Variants in CWC27 observed in about 807,000 individuals in gnomAD.
The protein encoded by CWC27 is spliceosome-associated protein CWC27 homolog.
A neutral mutation model predicts 63.6 loss-of-function variants in CWC27; 47 were observed. The observed-to-expected ratio is 0.74, with a 90% CI of 0.58 to 0.94. The LOEUF is 0.94. Ranked by LOEUF, CWC27 falls within the 40% of genes least tolerant of loss-of-function variation. CWC27 has a pLI of 0.00. For missense variants in CWC27, 495 were observed against 554.3 expected, an observed-to-expected ratio of 0.89 and a Z score of 1.07; for synonymous variants, 175 against 179.8, an observed-to-expected ratio of 0.97 and a Z score of 0.22.
intron 13 of CWC27, among the ~76,000 whole-genome samples, chr5:65,004,905 T>TACACACAC (rs1317560192): frequency 1.6e-5 from 1 of 63,546 alleles, no homozygotes; most frequent in African/African-American, 5.8e-5. Flanking sequence ...TATATATATA[T>TACACACAC]ACATACACAC....
At chr5:64,970,505 C>T (rs1749105170) in intron 11 of CWC27, among the ~76,000 whole-genome samples, 1 of 152,186 alleles carries the variant, frequency 6.6e-6, no homozygotes, top group South Asian at 2.1e-4. Flanking sequence ...AGCCACCACG[C>T]CCGGCCGAAA....
chr5:64,934,151 G>A (rs569415348), intron 11 of CWC27, among the ~76,000 whole-genome samples: 5 of 152,092 alleles, frequency 3.3e-5, no homozygotes, highest in African/African-American at 4.8e-5. Flanking sequence ...TGTGCAGAAC[G>A]TGCAGGTTTG....
chr5:64,777,148 T>G (rs1414973769), intron 2 of CWC27, among the ~76,000 whole-genome samples: 1 of 152,074 alleles, frequency 6.6e-6, no homozygotes, highest in East Asian at 1.9e-4. Flanking sequence ...GAGAAGTGGA[T>G]AAGAAAATCA....
At chr5:64,810,594 C>A (rs954949144) in intron 10 of CWC27, among the ~76,000 whole-genome samples, 10 of 152,032 alleles carry the variant, frequency 6.6e-5, no homozygotes, top group African/African-American at 2.4e-4. Context: ...TAGTTTTCAG[C>A]AGACAGATCT....
chr5:64,876,266 T>C (rs759744667), intron 10 of CWC27, among the ~76,000 whole-genome samples: 7 of 152,132 alleles, frequency 4.6e-5, no homozygotes, highest in Non-Finnish European at 1.0e-4. Context: ...ATACATATGA[T>C]GGGCTTTTAT....
chr5:64,823,752 G>A (rs1745280528), intron 10 of CWC27, among the ~76,000 whole-genome samples: 1 of 152,182 alleles, frequency 6.6e-6, no homozygotes, highest in African/African-American at 2.4e-5. Flanking sequence ...TCCTGAAGGT[G>A]CGTTTTAAGG....
chr5:64,778,428 A>G (rs759587538), intron 2 of CWC27, among the ~76,000 whole-genome samples: 5 of 152,152 alleles, frequency 3.3e-5, no homozygotes, highest in Non-Finnish European at 7.4e-5. Context: ...GTGCTCAAAA[A>G]GTATTGGTTG....
At chr5:64,964,770 A>G (rs1748981736) in intron 11 of CWC27, among the ~76,000 whole-genome samples, 1 of 152,230 alleles carries the variant, frequency 6.6e-6, no homozygotes, top group South Asian at 2.1e-4. Context: ...TTGTTGCCCA[A>G]CTATCTACCC....
rs114764671 is a variant in CWC27, at chr5:64,915,653, G to A, written c.1042+30107G>A. 2.2e-3 allele frequency among the ~76,000 whole-genome samples: 342 copies of A among 152,144 alleles called. 1 individual carries two copies. Among genetic ancestry groups the A allele is most frequent in the African/African-American group, 7.8e-3 (325 of 41,506 alleles). The stretch of plus-strand genomic sequence containing the variant: ...ATGTCTTACTCCCAGGGTCCTCTCA[G>A]CAGCCTTCTCTGGTTGGCCCTGTAA... On this transcript the variant is annotated intron_variant, in intron 11 of 13. Coordinates refer to ENST00000381070, the MANE Select transcript of CWC27 (RefSeq NM_005869.4).
At chr5:64,978,372 C>T (rs757286865) in intron 13 of CWC27, among the ~76,000 whole-genome samples, 2 of 152,030 alleles carry the variant, frequency 1.3e-5, no homozygotes, top group East Asian at 1.9e-4. Context: ...ATGTGGGTTA[C>T]GATGCCAGTT....
At chr5:64,774,966 A>T (rs1426917949) in intron 2 of CWC27, among the ~76,000 whole-genome samples, 179 bp downstream of exon 2, 1 of 152,232 alleles carries the variant, frequency 6.6e-6, no homozygotes, top group Non-Finnish European at 1.5e-5. Context: ...ATGTTATCCC[A>T]AATAAATTTG....
intron 10 of CWC27, among the ~76,000 whole-genome samples, chr5:64,815,787 G>C (rs1041534516): frequency 9.9e-5 from 15 of 152,126 alleles, no homozygotes; most frequent in African/African-American, 3.6e-4. Context: ...ACCCAAGGGT[G>C]GAGAAGAATA....
intron 10 of CWC27, among the ~76,000 whole-genome samples, chr5:64,836,111 C>T (rs1259712489): frequency 1.3e-5 from 2 of 151,800 alleles, no homozygotes; most frequent in Admixed American, 6.6e-5. Context: ...TACATTTAAG[C>T]CACCCACTCA....
At chr5:64,968,770 T>C (rs1580754954) in intron 11 of CWC27, among the ~76,000 whole-genome samples, 2 of 152,208 alleles carry the variant, frequency 1.3e-5, no homozygotes, top group South Asian at 2.1e-4. Context: ...GTGGAAGTTA[T>C]ATGCTCTATA....
At chr5:64,784,110 T>G (rs924246107) in intron 4 of CWC27, 131 bp downstream of exon 4, 33 of 810,248 alleles carry the variant, frequency 4.1e-5, no homozygotes, top group Non-Finnish European at 5.8e-5. Flanking sequence ...ATATGTTTAT[T>G]ATTTTCAAAA....
At position 64,885,508 on chromosome 5, in the gene CWC27, T is replaced by C. The variant is rs199774142; in HGVS notation, c.1004T>C (p.Val335Ala). The change falls in exon 11 of 14, where the codon GTA (valine) becomes GCA (alanine). Residue 335 changes from valine (V) to alanine (A), a missense_variant. Physicochemically the swap from Val to Ala is moderately conservative, Grantham distance 64. Coordinates refer to ENST00000381070, the MANE Select transcript of CWC27 (RefSeq NM_005869.4). ...RELLAAKQKK[V>A]ENAAKQAEKR... ...CTCTTAGCAGCAAAACAAAAAAAAG[T>C]AGAAAATGCAGCAAAACAAGCAGAA... The C allele has an allele frequency of 6.2e-7, 1 of 1,607,004 alleles. No individual in the cohort carries two copies.
At chr5:64,907,488 G>C (rs1031623975) in intron 11 of CWC27, among the ~76,000 whole-genome samples, 1 of 152,202 alleles carries the variant, frequency 6.6e-6, no homozygotes, top group African/African-American at 2.4e-5. Flanking sequence ...ATATAGGAAT[G>C]CTTGTGATTT....
Position 64,804,216 on chromosome 5 carries a change from T to C in CWC27, c.781-13T>C. ...TTGAGCACCTGGCAAATACTCATTTTCCATTTCTACAGGATGGAGAAGATG... is the reference window on the plus strand; with the variant it reads ...TTGAGCACCTGGCAAATACTCATTTCCCATTTCTACAGGATGGAGAAGATG... On this transcript the variant is annotated splice_polypyrimidine_tract_variant and intron_variant, in intron 9 of 13. Coordinates refer to ENST00000381070, the MANE Select transcript of CWC27 (RefSeq NM_005869.4). 1.3e-6 allele frequency: 2 copies of C among 1,578,064 alleles called. No homozygotes were observed. Among genetic ancestry groups the C allele is most frequent in the Non-Finnish European group, 1.7e-6 (2 of 1,161,076 alleles).
chr5:64,806,866 A>G (rs947838402), intron 10 of CWC27, among the ~76,000 whole-genome samples: 3 of 152,180 alleles, frequency 2.0e-5, no homozygotes, highest in Non-Finnish European at 1.5e-5. Context: ...TTTCCAAATC[A>G]TTAGTACTTT....
Sources: gnomAD v4.1 joint callset for allele counts (sites outside exome capture counted in the v4.1 genomes callset) on GRCh38, gnomAD v4.1.1 for gene constraint, MANE v1.5 for transcripts, NCBI Gene and HGNC (gene_info 2026-07-23, HGNC 2026-07-21) for gene names.